TMEM271: variants seen among roughly 807,000 people sequenced by gnomAD.
The protein encoded by TMEM271 is transmembrane protein 271.
Position 574,888 on chromosome 4 carries a change from G to T in TMEM271, c.*17C>A, listed in dbSNP as rs896325850. The T allele has an allele frequency of 3.8e-5, 15 of 396,010 alleles. No homozygotes were observed. The highest frequency in any genetic ancestry group is 2.7e-4 in the African/African-American group (13 of 48,488). The allele number at this position is 396,010 out of a possible 1,614,324, so 24.5% of individuals were successfully genotyped here. A position where few individuals can be genotyped will look rare whatever the true frequency, so the allele number is the denominator to read the frequency against. On this transcript the variant is annotated 3_prime_UTR_variant, in exon 1 of 1. Coordinates refer to ENST00000610212, the MANE Select transcript of TMEM271 (RefSeq NM_001362796.2). The stretch of plus-strand genomic sequence containing the variant: ...AACGCAAGCGCGGTCCGCGGGATGG[G>T]GGTCCGGCCCGCGGGATCAGCAGGC...
chr4:574,833 C>T lies in TMEM271; in HGVS notation c.*72G>A, dbSNP rs1732401983. On this transcript the variant is annotated 3_prime_UTR_variant, in exon 1 of 1. Transcript: ENST00000610212. ...CCCCGCTGCCCGTCCTCCCTTGCCG[C>T]GGGGGTCCTGAGCGGGGCGGGGTGG... 2 of 394,214 alleles carry T rather than the reference C, an allele frequency of 5.1e-6. No homozygotes were observed. The highest frequency in any genetic ancestry group is 9.0e-6 in the Non-Finnish European group (2 of 223,220). The allele number at this position is 394,214 out of a possible 1,614,324, so 24.4% of individuals were successfully genotyped here.
At position 574,722 on chromosome 4, in the gene TMEM271, T is replaced by C. The variant is rs1485498330; in HGVS notation, c.*183A>G. On this transcript the variant is annotated 3_prime_UTR_variant, in exon 1 of 1. Coordinates refer to ENST00000610212, the MANE Select transcript of TMEM271 (RefSeq NM_001362796.2). Reference sequence around the variant, plus strand: ...TCACATCAGGGGCCCCCTCCTGTGGTCACGGAGCCCGCAGAGGGGGCCAGG... The same window carrying C: ...TCACATCAGGGGCCCCCTCCTGTGGCCACGGAGCCCGCAGAGGGGGCCAGG... The C allele has an allele frequency of 5.1e-6, 2 of 391,084 alleles. No individual in the cohort carries two copies. The highest frequency in any genetic ancestry group is 9.0e-6 in the Non-Finnish European group (2 of 221,710). 24.2% of individuals were successfully genotyped at this position (391,084 alleles called of 1,614,324 possible). A position where few individuals can be genotyped will look rare whatever the true frequency, so the allele number is the denominator to read the frequency against.
rs1732400852 is a variant in TMEM271, at chr4:574,791, C to A, written c.*114G>T. ...CGTGGAAGAGGCGGCGCCCCTGAGG[C>A]CTGGCCCTGGACCCCGCCCCGCTGC... On this transcript the variant is annotated 3_prime_UTR_variant, in exon 1 of 1. Coordinates refer to ENST00000610212, the MANE Select transcript of TMEM271 (RefSeq NM_001362796.2). The A allele has an allele frequency of 2.5e-6, 1 of 392,420 alleles. No homozygotes were observed. Among genetic ancestry groups the A allele is most frequent in the African/African-American group, 2.1e-5 (1 of 48,356 alleles). The allele number at this position is 392,420 out of a possible 1,614,324, so 24.3% of individuals were successfully genotyped here.
rs1019704638 is a variant in TMEM271, at chr4:574,847, G to A, written c.*58C>T. 1 of 394,674 alleles carries A rather than the reference G, an allele frequency of 2.5e-6. No individual in the cohort carries two copies. Among genetic ancestry groups the A allele is most frequent in the African/African-American group, 2.1e-5 (1 of 48,404 alleles). 24.4% of individuals were successfully genotyped at this position (394,674 alleles called of 1,614,324 possible). A position where few individuals can be genotyped will look rare whatever the true frequency, so the allele number is the denominator to read the frequency against. ...CTCCCTTGCCGCGGGGGTCCTGAGC[G>A]GGGCGGGGTGGGTGGAACGCAAGCG... On this transcript the variant is annotated 3_prime_UTR_variant, in exon 1 of 1. Coordinates refer to ENST00000610212, the MANE Select transcript of TMEM271 (RefSeq NM_001362796.2).
Position 574,367 on chromosome 4 carries a change from T to A in TMEM271, c.*538A>T, listed in dbSNP as rs1319344464. Reference sequence around the variant, plus strand: ...ATAAATTTACCAAACATTTTCACTATTTATGGAGAGCTTTACAGTAAGAAA... The same window carrying A: ...ATAAATTTACCAAACATTTTCACTAATTATGGAGAGCTTTACAGTAAGAAA... On this transcript the variant is annotated 3_prime_UTR_variant, in exon 1 of 1. Transcript: ENST00000610212. The A allele has an allele frequency of 6.6e-6, 1 of 152,352 alleles. No homozygotes were observed. The highest frequency in any genetic ancestry group is 6.5e-5 in the Admixed American group (1 of 15,296). The allele number at this position is 152,352 out of a possible 1,614,324, so 9.4% of individuals were successfully genotyped here.
In TMEM271 at chr4:574,762, G is replaced by C. The variant is rs1207202567; in HGVS notation, c.*143C>G. 1.0e-5 allele frequency: 4 copies of C among 391,976 alleles called. No homozygotes were observed. Among genetic ancestry groups the C allele is most frequent in the African/African-American group, 2.1e-5 (1 of 48,346 alleles). 24.3% of individuals were successfully genotyped at this position (391,976 alleles called of 1,614,324 possible). Reference sequence around the variant, plus strand: ...AGGGGGCCAGGCCGGAGGCTGCAAAGCCACGTGGAAGAGGCGGCGCCCCTG... The same window carrying C: ...AGGGGGCCAGGCCGGAGGCTGCAAACCCACGTGGAAGAGGCGGCGCCCCTG... On this transcript the variant is annotated 3_prime_UTR_variant, in exon 1 of 1. Coordinates refer to ENST00000610212, the MANE Select transcript of TMEM271 (RefSeq NM_001362796.2).
rs1353254111 is a variant in TMEM271, at chr4:575,028, C to T, written c.1035G>A (p.Gly345=). The change falls in exon 1 of 1, where the codon GGG becomes GGA. Residue 345 remains glycine, a synonymous_variant. Coordinates refer to ENST00000610212, the MANE Select transcript of TMEM271 (RefSeq NM_001362796.2). ...DEAGAEVRCG[G]HPSVELPGYA... is the part of the protein sequence containing the mutation. ...ACCCCGGCAGCTCCACCGACGGGTG[C>T]CCCCCGCAGCGCACCTCCGCGCCCG... 7.6e-6 allele frequency: 3 copies of T among 396,950 alleles called. No homozygotes were observed. The highest frequency in any genetic ancestry group is 7.1e-5 in the East Asian group (2 of 27,996). The allele number at this position is 396,950 out of a possible 1,614,324, so 24.6% of individuals were successfully genotyped here.
chr4:575,029 C>A lies in TMEM271; in HGVS notation c.1034G>T (p.Gly345Val). ...DEAGAEVRCGGHPSVELPGYA... is the reference protein window; with the variant it reads ...DEAGAEVRCGVHPSVELPGYA... ...CCCCGGCAGCTCCACCGACGGGTGC[C>A]CCCCGCAGCGCACCTCCGCGCCCGC... Residue 345 changes from glycine (G) to valine (V), a missense_variant, in exon 1 of 1, where the codon GGG becomes GTG. Transcript: ENST00000610212. 1 of 397,156 alleles carries A rather than the reference C, an allele frequency of 2.5e-6. No homozygotes were observed. The highest frequency in any genetic ancestry group is 3.6e-5 in the East Asian group (1 of 27,994). 24.6% of individuals were successfully genotyped at this position (397,156 alleles called of 1,614,324 possible). A position where few individuals can be genotyped will look rare whatever the true frequency, so the allele number is the denominator to read the frequency against.
rs1335546929 is a variant in TMEM271, at chr4:575,244, C to T, written c.819G>A (p.Gln273=). ...RPRGGSGLRA[Q]PPASRARRGR... ...CCCGGCGCGCCCGAGAGGCGGGCGGCTGCGCGCGGAGCCCGGAGCCGCCGC... is the reference window on the plus strand; with the variant it reads ...CCCGGCGCGCCCGAGAGGCGGGCGGTTGCGCGCGGAGCCCGGAGCCGCCGC... The change falls in exon 1 of 1, where the codon CAG becomes CAA. Residue 273 remains glutamine (Q), a synonymous_variant. Coordinates refer to ENST00000610212, the MANE Select transcript of TMEM271 (RefSeq NM_001362796.2). 1.8e-5 allele frequency: 3 copies of T among 167,164 alleles called. No individual in the cohort carries two copies. Among genetic ancestry groups the T allele is most frequent in the African/African-American group, 7.3e-5 (3 of 41,184 alleles). 10.4% of individuals were successfully genotyped at this position (167,164 alleles called of 1,614,324 possible). A position where few individuals can be genotyped will look rare whatever the true frequency, so the allele number is the denominator to read the frequency against.
rs1732428361 is a variant in TMEM271, at chr4:575,958, G to A, written c.105C>T (p.Gly35=). Residue 35 remains glycine (G), a synonymous_variant, in exon 1 of 1, where the codon GGC becomes GGT. Coordinates refer to ENST00000610212, the MANE Select transcript of TMEM271 (RefSeq NM_001362796.2). ...GGAACGGCTCCCCGCGCAGCTCCGA[G>A]CCCAACGAGAAGCACTTGAGGCCGA... is the stretch of plus-strand genomic sequence containing the variant. ...AAVGLKCFSL[G]SELRGEPFRL... 1 of 373,112 alleles carries A rather than the reference G, an allele frequency of 2.7e-6. No individual in the cohort carries two copies. The highest frequency in any genetic ancestry group is 3.8e-5 in the East Asian group (1 of 26,374). 23.1% of individuals were successfully genotyped at this position (373,112 alleles called of 1,614,324 possible).
chr4:574,983 G>A lies in TMEM271; in HGVS notation c.1080C>T (p.Asp360=). Residue 360 remains aspartate, a synonymous_variant, in exon 1 of 1, where the codon GAC becomes GAT. Coordinates refer to ENST00000610212, the MANE Select transcript of TMEM271 (RefSeq NM_001362796.2). The part of the protein sequence containing the change: ...ELPGYAPSDP[D]LNASYPYCCR... ...AGCAGTAGGGGTAGGAGGCGTTGAG[G>A]TCGGGGTCCGAGGGCGCGTACCCCG... The A allele has an allele frequency of 2.5e-6, 1 of 397,138 alleles. No homozygotes were observed. Among genetic ancestry groups the A allele is most frequent in the South Asian group, 1.3e-4 (1 of 7,854 alleles). 24.6% of individuals were successfully genotyped at this position (397,138 alleles called of 1,614,324 possible).
In TMEM271 at chr4:576,140, G is replaced by C. The variant is rs1281342783; in HGVS notation, c.-78C>G. 1 of 132,538 alleles carries C rather than the reference G, an allele frequency of 7.5e-6. No homozygotes were observed. The highest frequency in any genetic ancestry group is 1.6e-5 in the Non-Finnish European group (1 of 60,856). 8.2% of individuals were successfully genotyped at this position (132,538 alleles called of 1,614,324 possible). A position where few individuals can be genotyped will look rare whatever the true frequency, so the allele number is the denominator to read the frequency against. ...GCCCCCGCCGCCTGCGCCTCCTCCC[G>C]GCGCCGCGCGGCCGGACCGCCGGCC... On this transcript the variant is annotated 5_prime_UTR_variant, in exon 1 of 1. Transcript: ENST00000610212.
Position 574,620 on chromosome 4 carries a change from T to G in TMEM271, c.*285A>C. On this transcript the variant is annotated 3_prime_UTR_variant, in exon 1 of 1. Transcript: ENST00000610212. ...CAGTCGGGCTAGCCAAGCCCAAACA[T>G]TTATTGTAAACTTGAAAATGGAATC... 1 of 312,382 alleles carries G rather than the reference T, an allele frequency of 3.2e-6. No homozygotes were observed. Among genetic ancestry groups the G allele is most frequent in the Non-Finnish European group, 5.8e-6 (1 of 171,326 alleles). 19.4% of individuals were successfully genotyped at this position (312,382 alleles called of 1,614,324 possible). A position where few individuals can be genotyped will look rare whatever the true frequency, so the allele number is the denominator to read the frequency against.
rs1732416417 is a variant in TMEM271 at position 575,501 on chromosome 4, C to T, written c.562G>A (p.Gly188Ser). Residue 188 changes from glycine to serine, a missense_variant, in exon 1 of 1, where the codon GGC (glycine) becomes AGC (serine). By Grantham distance (56) the Gly-to-Ser change is moderately conservative. Transcript: ENST00000610212. ...APGSAPGSAP[G>S]SAPGAPRARS... ...GCGCGCGGGGCGCCGGGGGCCGAGC[C>T]CGGCGCCGAGCCGGGGGCCGAGCCC... 1 of 294,904 alleles carries T rather than the reference C, an allele frequency of 3.4e-6. No individual in the cohort carries two copies. Among genetic ancestry groups the T allele is most frequent in the Non-Finnish European group, 6.2e-6 (1 of 161,312 alleles). 18.3% of individuals were successfully genotyped at this position (294,904 alleles called of 1,614,324 possible). A position where few individuals can be genotyped will look rare whatever the true frequency, so the allele number is the denominator to read the frequency against.
Position 575,068 on chromosome 4 carries a change from T to C in TMEM271, c.995A>G (p.His332Arg), listed in dbSNP as rs1732406428. 1 of 396,800 alleles carries C rather than the reference T, an allele frequency of 2.5e-6. No individual in the cohort carries two copies. The highest frequency in any genetic ancestry group is 4.4e-5 in the Admixed American group (1 of 22,648). The allele number at this position is 396,800 out of a possible 1,614,324, so 24.6% of individuals were successfully genotyped here. ...AVSYINVGVL[H>R]ALDEAGAEVR... The stretch of plus-strand genomic sequence containing the variant: ...CTCCGCGCCCGCCTCGTCCAGCGCG[T>C]GGAGGACGCCTACGTTGATGTAGGA... The change falls in exon 1 of 1, where the codon CAC (histidine) becomes CGC (arginine). Residue 332 changes from histidine to arginine, a missense_variant. By Grantham distance (29) the His-to-Arg change is conservative. Transcript: ENST00000610212.
Position 575,295 on chromosome 4 carries a change from C to T in TMEM271, c.768G>A (p.Arg256=), listed in dbSNP as rs866277999. 1.6e-3 allele frequency: 316 copies of T among 200,708 alleles called. No homozygotes were observed. The highest frequency in any genetic ancestry group is 3.6e-3 in the Middle Eastern group (2 of 548). The allele number at this position is 200,708 out of a possible 1,614,324, so 12.4% of individuals were successfully genotyped here. Residue 256 remains arginine (R), a synonymous_variant, in exon 1 of 1, where the codon AGG becomes AGA. Coordinates refer to ENST00000610212, the MANE Select transcript of TMEM271 (RefSeq NM_001362796.2). ...GGGGCCGCGCCAGGGCCCGGCCTCC[C>T]CTCCGCCTGCCGCGCCGACCGCGCC... is the stretch of plus-strand genomic sequence containing the variant. The part of the protein sequence containing the change: ...QARRGRRGRR[R]GGRALARPRG...
chr4:575,767 T>A lies in TMEM271; in HGVS notation c.296A>T (p.Glu99Val), dbSNP rs1732423467. ...GGCCCCCGACTCGCCCGGCGTGGCC[T>A]CGGGAGCGCCTGCCGGCGCCGCGGG... ...GVPAAPAGAP[E>V]ATPGESGAAA... Residue 99 changes from glutamate to valine, a missense_variant, in exon 1 of 1, where the codon GAG becomes GTG. By Grantham distance (121) the Glu-to-Val change is moderately radical. Coordinates refer to ENST00000610212, the MANE Select transcript of TMEM271 (RefSeq NM_001362796.2). The A allele has an allele frequency of 2.8e-6, 1 of 359,376 alleles. No individual in the cohort carries two copies. Among genetic ancestry groups the A allele is most frequent in the African/African-American group, 2.2e-5 (1 of 46,358 alleles). 22.3% of individuals were successfully genotyped at this position (359,376 alleles called of 1,614,324 possible). A position where few individuals can be genotyped will look rare whatever the true frequency, so the allele number is the denominator to read the frequency against.
rs1306497650 is a variant in TMEM271 at position 575,771 on chromosome 4, G to C, written c.292C>G (p.Pro98Ala). The C allele has an allele frequency of 2.2e-5, 8 of 361,114 alleles. No homozygotes were observed. The highest frequency in any genetic ancestry group is 4.0e-5 in the Non-Finnish European group (8 of 202,154). 22.4% of individuals were successfully genotyped at this position (361,114 alleles called of 1,614,324 possible). Reference protein sequence around the residue: ...LGVPAAPAGAPEATPGESGAA... With the variant: ...LGVPAAPAGAAEATPGESGAA... Reference sequence around the variant, plus strand: ...CCCGACTCGCCCGGCGTGGCCTCGGGAGCGCCTGCCGGCGCCGCGGGGACC... The same window carrying C: ...CCCGACTCGCCCGGCGTGGCCTCGGCAGCGCCTGCCGGCGCCGCGGGGACC... Residue 98 changes from proline (P) to alanine (A), a missense_variant, in exon 1 of 1, where the codon CCC becomes GCC. Pro to Ala is a conservative substitution (Grantham distance 27). Coordinates refer to ENST00000610212, the MANE Select transcript of TMEM271 (RefSeq NM_001362796.2).
rs1223874239 is a variant in TMEM271 at position 576,056 on chromosome 4, A to C, written c.7T>G (p.Trp3Gly). Residue 3 changes from tryptophan (W) to glycine (G), a missense_variant, in exon 1 of 1, where the codon TGG becomes GGG. Trp to Gly is a radical substitution (Grantham distance 184). Coordinates refer to ENST00000610212, the MANE Select transcript of TMEM271 (RefSeq NM_001362796.2). ...GCGGCGCAGGCCCCGCGGACGCTCC[A>C]CTTCATCCTCCGCGCCCGAGCCGGC... MK[W>G]SVRGACAALS... The C allele has an allele frequency of 6.2e-6, 2 of 323,258 alleles. No individual in the cohort carries two copies. Among genetic ancestry groups the C allele is most frequent in the Non-Finnish European group, 1.1e-5 (2 of 178,440 alleles). 20.0% of individuals were successfully genotyped at this position (323,258 alleles called of 1,614,324 possible).
Sources: gnomAD v4.1 joint callset for allele counts on GRCh38, gnomAD v4.1.1 for gene constraint, MANE v1.5 for transcripts, NCBI Gene and HGNC (gene_info 2026-07-23, HGNC 2026-07-21) for gene names.